The following UGT1A3 variants were observed in gnomAD, a reference collection of about 807,000 sequenced individuals.
UGT1A3 encodes UDP glucuronosyltransferase family 1 member A3.
Under a neutral mutation model 41.0 loss-of-function variants are expected in UGT1A3, and 31 were observed. The ratio of observed to expected loss-of-function variants is 0.76; its 90% CI spans 0.57 to 1.02. UGT1A3 has a LOEUF of 1.02. UGT1A3 is among the 50% of genes least tolerant of loss of function. The pLI, the probability that UGT1A3 is intolerant of heterozygous loss-of-function variation, is 0.00. For synonymous variants in UGT1A3, 262 were observed against 257.6 expected (o/e 1.02, Z -0.17); for missense variants, 737 against 671.0 (o/e 1.10, Z -1.09).
intron 1 of UGT1A3, chr2:233,747,895 C>T: frequency 6.2e-7 from 1 of 1,613,566 alleles, no homozygotes; most frequent in Non-Finnish European, 8.5e-7. Context: ...CATGCTCTTT[C>T]TGCTCCTTAT....
chr2:233,758,018 G>A (rs1394383071), intron 1 of UGT1A3, among the ~76,000 whole-genome samples: 1 of 152,092 alleles, frequency 6.6e-6, no homozygotes, highest in African/African-American at 2.4e-5. Context: ...GTTTGTCTCT[G>A]TCTACCTGAC....
At chr2:233,747,385 C>G in intron 1 of UGT1A3, 2 of 1,604,764 alleles carry the variant, frequency 1.2e-6, no homozygotes, top group East Asian at 4.5e-5. Flanking sequence ...GGCCACCAGG[C>G]GGTGGTCCTC....
At chr2:233,738,412 C>T (rs988923331) in intron 1 of UGT1A3, among the ~76,000 whole-genome samples, 1 of 152,164 alleles carries the variant, frequency 6.6e-6, no homozygotes, top group East Asian at 1.9e-4. Context: ...GGGTAACAGG[C>T]AGAGGCTGGA....
intron 1 of UGT1A3, among the ~76,000 whole-genome samples, chr2:233,757,694 G>C (rs757732265): frequency 2.6e-5 from 4 of 151,666 alleles, no homozygotes; most frequent in Non-Finnish European, 5.9e-5. Context: ...ATTCAAGGAA[G>C]GTGGCTTTGC....
chr2:233,771,986 A>T (rs897905900), intron 4 of UGT1A3, among the ~76,000 whole-genome samples: 3 of 152,212 alleles, frequency 2.0e-5, no homozygotes, highest in African/African-American at 7.2e-5. Context: ...ATAGTGGTGC[A>T]TGACTAATTC....
At chr2:233,750,181 G>A (rs571998663) in intron 1 of UGT1A3, among the ~76,000 whole-genome samples, 9 of 151,994 alleles carry the variant, frequency 5.9e-5, no homozygotes. Context: ...TGCTGATAAT[G>A]TTGTGGACAA....
chr2:233,765,865 C>T (rs953477423), intron 1 of UGT1A3, among the ~76,000 whole-genome samples: 7 of 151,942 alleles, frequency 4.6e-5, no homozygotes, highest in South Asian at 2.1e-4. Context: ...CATGTGACAG[C>T]GGGAGGGGCT....
intron 1 of UGT1A3, among the ~76,000 whole-genome samples, chr2:233,756,741 C>T (rs1366742518): frequency 6.6e-6 from 1 of 152,100 alleles, no homozygotes; most frequent in Admixed American, 6.6e-5. Context: ...TTCACCTCCT[C>T]CTTATTCTCT....
chr2:233,747,843 G>C, intron 1 of UGT1A3: 1 of 1,613,470 alleles, frequency 6.2e-7, no homozygotes, highest in African/African-American at 1.3e-5. Context: ...CCTGCAAAGG[G>C]TCAAGAACAT....
At chr2:233,759,710 G>A (rs746376626) in intron 1 of UGT1A3, among the ~76,000 whole-genome samples, 35 of 151,652 alleles carry the variant, frequency 2.3e-4, no homozygotes, top group East Asian at 9.7e-4. Flanking sequence ...GCGCGTGCTC[G>A]TGTGGTGGGC....
intron 1 of UGT1A3, among the ~76,000 whole-genome samples, chr2:233,757,752 A>G (rs979747575): frequency 2.0e-5 from 3 of 151,642 alleles, no homozygotes; most frequent in African/African-American, 7.3e-5. Flanking sequence ...GGACATGTTT[A>G]TGTTGCTCCT....
chr2:233,757,549 T>TATATATATATATATATATACATATAC (rs1696618435), intron 1 of UGT1A3, among the ~76,000 whole-genome samples: 1 of 133,968 alleles, frequency 7.5e-6, no homozygotes, highest in Non-Finnish European at 1.6e-5. Context: ...TATATATATA[T>TATATATATATATATATATACATATAC]ATATATATAT....
In UGT1A3 at chr2:233,769,812, GC is replaced by G; in HGVS notation, c.1307+1375del. The G allele has an allele frequency of 1.0e-6, 1 of 971,458 alleles. No individual in the cohort carries two copies. Among genetic ancestry groups the G allele is most frequent in the African/African-American group, 1.7e-5 (1 of 59,662 alleles). The allele number at this position is 971,458 out of a possible 1,614,324, so 60.2% of individuals were successfully genotyped here. A position where few individuals can be genotyped will look rare whatever the true frequency, so the allele number is the denominator to read the frequency against. On this transcript the variant is annotated intron_variant, in intron 4 of 4. Coordinates refer to ENST00000482026, the MANE Select transcript of UGT1A3 (RefSeq NM_019093.4). This position sits in a 1 kb window ranked among gnomAD's most constrained non-coding sequence, Gnocchi z 4.4. The stretch of plus-strand genomic sequence containing the variant: ...GGAGGCTGCTATGAGCCGTGATCAT[GC>G]CACTGCACTCCAGCAACCTGGGCAA...
At chr2:233,737,147 T>C (rs909565111) in intron 1 of UGT1A3, among the ~76,000 whole-genome samples, 2 of 152,240 alleles carry the variant, frequency 1.3e-5, no homozygotes, top group African/African-American at 4.8e-5. Flanking sequence ...TGTTCAGATA[T>C]GCCCTGCCCA....
chr2:233,730,000 A>G lies in UGT1A3; in HGVS notation c.867+7A>G, dbSNP rs569428615. ...CAGGAAGCCACTATCTCAGGTCTGTATTGGTGCCTTCATCCAATCAATGTT... is the reference window on the plus strand; with the variant it reads ...CAGGAAGCCACTATCTCAGGTCTGTGTTGGTGCCTTCATCCAATCAATGTT... On this transcript the variant is annotated splice_region_variant and intron_variant, in intron 1 of 4. Coordinates refer to ENST00000482026, the MANE Select transcript of UGT1A3 (RefSeq NM_019093.4). 6.2e-6 allele frequency: 10 copies of G among 1,614,004 alleles called. No individual in the cohort carries two copies. The highest frequency in any genetic ancestry group is 3.3e-5 in the Admixed American group (2 of 60,024).
At chr2:233,733,027 T>A (rs2078348048) in intron 1 of UGT1A3, among the ~76,000 whole-genome samples, 1 of 152,200 alleles carries the variant, frequency 6.6e-6, no homozygotes, top group Non-Finnish European at 1.5e-5. Context: ...GTCCTTCACA[T>A]CCCTTTTAAG....
intron 4 of UGT1A3, chr2:233,771,308 TC>T (rs1375108743): frequency 6.6e-6 from 1 of 152,198 alleles, no homozygotes; most frequent in African/African-American, 2.4e-5. Context: ...CTCCTCCTTT[TC>T]CCTCTCCTCT....
At chr2:233,746,577 T>C (rs1395681338) in intron 1 of UGT1A3, among the ~76,000 whole-genome samples, 4 of 151,762 alleles carry the variant, frequency 2.6e-5, no homozygotes, top group Non-Finnish European at 4.4e-5. Context: ...CACCCTGTAA[T>C]TGCCTAGTTG....
rs187355953 is a variant in UGT1A3 at position 233,736,029 on chromosome 2, T to A, written c.867+6036T>A. 5.3e-3 allele frequency among the ~76,000 whole-genome samples: 815 copies of A among 152,350 alleles called. 8 individuals are homozygous for A. The highest frequency in any genetic ancestry group is 0.019 in the African/African-American group (776 of 41,576). On this transcript the variant is annotated intron_variant, in intron 1 of 4. Transcript: ENST00000482026. ...CGAGGAGTATCTTTGTGGTGTTCTC[T>A]GTATTTCCTGAATTTGAATGTTGGC... is the stretch of plus-strand genomic sequence containing the variant.
Sources: gnomAD v4.1 joint callset for allele counts (sites outside exome capture counted in the v4.1 genomes callset) on GRCh38, gnomAD v4.1.1 for gene constraint, Gnocchi (gnomAD v3.1) non-coding constraint, MANE v1.5 for transcripts, NCBI Gene and HGNC (gene_info 2026-07-23, HGNC 2026-07-21) for gene names.